Variants in NCK2 observed in about 807,000 individuals in gnomAD.
NCK2 encodes the protein NCK adaptor protein 2.
A neutral mutation model predicts 33.9 loss-of-function variants in NCK2; 16 were observed. The observed-to-expected ratio is 0.47, with a 90% CI of 0.32 to 0.72. NCK2 has a LOEUF of 0.72. Among genes scored for constraint, NCK2 ranks in the 30% least tolerant of loss-of-function variants. NCK2 has a pLI of 0.03. For synonymous variants in NCK2, 273 were observed against 239.9 expected (o/e 1.14, Z -1.27); for missense variants, 418 against 537.3 (o/e 0.78, Z 2.19).
At position 105,880,686 on chromosome 2, in the gene NCK2, T is replaced by G. The variant is rs149095527; in HGVS notation, c.227-642T>G. The stretch of plus-strand genomic sequence containing the variant: ...AGATATTTTCTCTGCATTTATACTT[T>G]ATTTTTCTGAGAGGCGCAGGGATGC... On this transcript the variant is annotated intron_variant, in intron 3 of 4. Transcript: ENST00000233154. Among the ~76,000 whole-genome samples the G allele has an allele frequency of 2.2e-3, 330 of 152,346 alleles. 1 individual carries two copies. The highest frequency in any genetic ancestry group is 7.0e-3 in the African/African-American group (289 of 41,574).
chr2:105,765,434 C>T (rs1214451190), intron 1 of NCK2, among the ~76,000 whole-genome samples: 3 of 152,226 alleles, frequency 2.0e-5, no homozygotes, highest in Non-Finnish European at 4.4e-5. Flanking sequence ...AGGCCGGCCC[C>T]ACGGCCAGTT....
intron 2 of NCK2, among the ~76,000 whole-genome samples, chr2:105,835,393 A>ATATATATATATATATATATATGTG (rs371518634): frequency 1.9e-5 from 1 of 51,674 alleles, no homozygotes; most frequent in Non-Finnish European, 3.7e-5. Flanking sequence ...ATACACATAT[A>ATATATATATATATATATATATGTG]TATATATATA....
intron 3 of NCK2, among the ~76,000 whole-genome samples, chr2:105,876,005 A>G (rs1000800931): frequency 2.0e-5 from 3 of 152,042 alleles, no homozygotes; most frequent in Non-Finnish European, 2.9e-5. Flanking sequence ...TTTTCATGCA[A>G]AGATATAGCA....
chr2:105,848,458 G>C (rs1235332105), intron 2 of NCK2: 1 of 152,178 alleles, frequency 6.6e-6, no homozygotes, highest in Non-Finnish European at 1.5e-5. Flanking sequence ...GATCATGAAA[G>C]GACTCTCTCC....
intron 3 of NCK2, among the ~76,000 whole-genome samples, chr2:105,877,039 G>C (rs1282076163): frequency 6.6e-6 from 1 of 152,168 alleles, no homozygotes; most frequent in Non-Finnish European, 1.5e-5. Context: ...TCCAGGTGAA[G>C]TCCAGGCAAG....
At chr2:105,837,629 C>T (rs7589561) in intron 2 of NCK2, among the ~76,000 whole-genome samples, 139,520 of 152,246 alleles carry the variant, frequency 0.92, 63,980 homozygotes, top group East Asian at 0.98. Context: ...AGAAGTGGAG[C>T]TGCTGCCTTG....
At chr2:105,747,776 A>T (rs1057475357) in intron 1 of NCK2, among the ~76,000 whole-genome samples, 1 of 152,190 alleles carries the variant, frequency 6.6e-6, no homozygotes, top group Non-Finnish European at 1.5e-5. Flanking sequence ...ACTTCACGGC[A>T]CGTTTTCAAA....
intron 1 of NCK2, among the ~76,000 whole-genome samples, chr2:105,749,939 C>G (rs894071133): frequency 2.0e-5 from 3 of 151,804 alleles, no homozygotes; most frequent in Non-Finnish European, 4.4e-5. Context: ...CTGAGTCACG[C>G]GAATTGCTTG....
chr2:105,874,537 A>C (rs1678157545), intron 3 of NCK2, among the ~76,000 whole-genome samples: 1 of 152,264 alleles, frequency 6.6e-6, no homozygotes, highest in Non-Finnish European at 1.5e-5. Context: ...TTTATGTTAC[A>C]CATCTGATCA....
intron 1 of NCK2, among the ~76,000 whole-genome samples, chr2:105,799,001 C>T (rs1264721648): frequency 6.6e-6 from 1 of 152,034 alleles, no homozygotes; most frequent in African/African-American, 2.4e-5. Flanking sequence ...CCCTTTTCAT[C>T]AGTTTGAAGG....
In NCK2 at chr2:105,865,042, G is replaced by A. The variant is rs369281842; in HGVS notation, c.226+9753G>A. The stretch of plus-strand genomic sequence containing the variant: ...CCTCTTGGTAGCTGGTGTCAGGGCC[G>A]CAGGCTCCCTCAGCCAGCATCAGTG... On this transcript the variant is annotated intron_variant, in intron 3 of 4. Coordinates refer to ENST00000233154, the MANE Select transcript of NCK2 (RefSeq NM_003581.5). Among the ~76,000 whole-genome samples the A allele has an allele frequency of 1.6e-4, 25 of 152,250 alleles. No homozygotes were observed. In the East Asian group the frequency reaches 2.5e-3, roughly 15 times the overall value.
chr2:105,881,728 C>T lies in NCK2; in HGVS notation c.627C>T (p.Val209=). ...AGACGCTGTACCCCTTCAGCTCAGT[C>T]ACCGAGGAGGAGCTCAACTTCGAGA... The part of the protein sequence containing the change: ...VVQTLYPFSS[V]TEEELNFEKG... The change falls in exon 4 of 5, where the codon GTC becomes GTT. Residue 209 remains valine (V), a synonymous_variant. Transcript: ENST00000233154. 2 of 1,614,248 alleles carry T rather than the reference C, an allele frequency of 1.2e-6. No individual in the cohort carries two copies. The highest frequency in any genetic ancestry group is 8.5e-7 in the Non-Finnish European group (1 of 1,180,044).
At chr2:105,804,927 A>AG (rs1396594838) in intron 1 of NCK2, among the ~76,000 whole-genome samples, 2 of 152,212 alleles carry the variant, frequency 1.3e-5, no homozygotes, top group Non-Finnish European at 2.9e-5. Flanking sequence ...TAACTGCTGC[A>AG]GGGTACTGGA....
chr2:105,828,825 A>C (rs2163350), intron 2 of NCK2, among the ~76,000 whole-genome samples: 2 of 152,164 alleles, frequency 1.3e-5, no homozygotes, highest in Admixed American at 6.5e-5. Context: ...CATCTTTTCA[A>C]CTGTACCCAG....
intron 3 of NCK2, among the ~76,000 whole-genome samples, chr2:105,869,087 G>A (rs139575949): frequency 5.9e-5 from 9 of 152,282 alleles, no homozygotes; most frequent in Non-Finnish European, 1.0e-4. Context: ...CCTGGGAAAC[G>A]GGGCTCCTCT....
intron 2 of NCK2, among the ~76,000 whole-genome samples, chr2:105,830,709 GTGTGTGTT>G (rs1003722339): frequency 2.6e-4 from 30 of 113,628 alleles, no homozygotes; most frequent in East Asian, 1.8e-3. Context: ...GTGTGTGTGT[GTGTGTGTT>G]TGGTCTGATA....
intron 4 of NCK2, among the ~76,000 whole-genome samples, chr2:105,886,761 A>G (rs897071039): frequency 5.3e-5 from 8 of 152,226 alleles, no homozygotes; most frequent in Admixed American, 1.3e-4. Flanking sequence ...ACTTTAGGAA[A>G]TACATTTGGG....
intron 2 of NCK2, among the ~76,000 whole-genome samples, chr2:105,851,224 G>A (rs750192683): frequency 1.2e-4 from 19 of 152,038 alleles, no homozygotes; most frequent in Non-Finnish European, 2.4e-4. Flanking sequence ...CCTTCATTGA[G>A]GATACCGGGC....
At chr2:105,750,011 G>A (rs1042198143) in intron 1 of NCK2, among the ~76,000 whole-genome samples, 10 of 134,780 alleles carry the variant, frequency 7.4e-5, no homozygotes, top group East Asian at 2.5e-4. Context: ...GGGTGACAGC[G>A]TGAGACCCTG....
Sources: gnomAD v4.1 joint callset for allele counts (sites outside exome capture counted in the v4.1 genomes callset) on GRCh38, gnomAD v4.1.1 for gene constraint, MANE v1.5 for transcripts, NCBI Gene and HGNC (gene_info 2026-07-23, HGNC 2026-07-21) for gene names.